SLCO3A1: variants seen among roughly 807,000 people sequenced by gnomAD.
SLCO3A1 encodes the protein solute carrier organic anion transporter family member 3A1, also known as PGE1 transporter.
A neutral mutation model predicts 63.1 loss-of-function variants in SLCO3A1; 27 were observed. The ratio of observed to expected loss-of-function variants is 0.43; its 90% CI spans 0.32 to 0.59. SLCO3A1 has a LOEUF of 0.59. Ranked by LOEUF, SLCO3A1 falls within the 20% of genes least tolerant of loss-of-function variation. SLCO3A1 has a pLI of 0.09. For synonymous variants in SLCO3A1, 473 were observed against 409.9 expected, an observed-to-expected ratio of 1.15 and a Z score of -1.86; for missense variants, 773 against 945.8, an observed-to-expected ratio of 0.82 and a Z score of 2.40.
intron 2 of SLCO3A1, among the ~76,000 whole-genome samples, chr15:92,043,136 T>G (rs1032027543): frequency 6.7e-6 from 1 of 150,364 alleles, no homozygotes; most frequent in Admixed American, 6.7e-5. Context: ...AACTACTAAC[T>G]GTGTTTGCTT....
At chr15:91,972,635 C>A (rs542496880) in intron 2 of SLCO3A1, among the ~76,000 whole-genome samples, 1 of 152,170 alleles carries the variant, frequency 6.6e-6, no homozygotes, top group South Asian at 2.1e-4. Flanking sequence ...ACCAGGGAAA[C>A]GTGCTGACCG....
intron 2 of SLCO3A1, among the ~76,000 whole-genome samples, chr15:92,032,535 G>A (rs2046665457): frequency 6.6e-6 from 1 of 152,120 alleles, no homozygotes; most frequent in African/African-American, 2.4e-5. Context: ...TGGAAGGGAG[G>A]GATTTTGGAT....
At chr15:92,140,620 C>G (rs961695428) in intron 7 of SLCO3A1, among the ~76,000 whole-genome samples, 1 of 152,118 alleles carries the variant, frequency 6.6e-6, no homozygotes, top group Non-Finnish European at 1.5e-5. Context: ...GTCTAATTCT[C>G]TTTGTAGGTC....
intron 8 of SLCO3A1, chr15:92,149,551 G>T: frequency 6.6e-6 from 1 of 152,354 alleles, no homozygotes; most frequent in Non-Finnish European, 1.5e-5. Flanking sequence ...CCCCACGCTG[G>T]GCTCCGAGAG....
chr15:92,096,758 T>C lies in SLCO3A1; in HGVS notation c.745+1779T>C, dbSNP rs2283463. The stretch of plus-strand genomic sequence containing the variant: ...CCATTAATCCTACTGATATATTTAC[T>C]TGTAGCTAATGATGTTACAAATTTC... On this transcript the variant is annotated intron_variant, in intron 3 of 9. Coordinates refer to ENST00000318445, the MANE Select transcript of SLCO3A1 (RefSeq NM_013272.4). 9.7e-3 allele frequency among the ~76,000 whole-genome samples: 1,473 copies of C among 152,314 alleles called. 60 individuals are homozygous for C. The highest frequency in any genetic ancestry group is 0.075 in the East Asian group (390 of 5,180).
At chr15:91,889,160 C>A in intron 1 of SLCO3A1, 1 of 1,286,652 alleles carries the variant, frequency 7.8e-7, no homozygotes, top group Non-Finnish European at 1.0e-6. Context: ...CTTATTGTTC[C>A]TTGACTGATG....
At chr15:91,943,161 A>T (rs1329347053) in intron 2 of SLCO3A1, among the ~76,000 whole-genome samples, 1 of 152,188 alleles carries the variant, frequency 6.6e-6, no homozygotes, top group Non-Finnish European at 1.5e-5. Flanking sequence ...AGTGTTAAGG[A>T]CACTCCCAGT....
chr15:92,000,392 T>C (rs1424025873), intron 2 of SLCO3A1, among the ~76,000 whole-genome samples: 1 of 150,628 alleles, frequency 6.6e-6, no homozygotes, highest in Admixed American at 6.6e-5. Flanking sequence ...AATGTTTTTT[T>C]CCTTTTTTTT....
chr15:92,030,464 C>T (rs918931336), intron 2 of SLCO3A1, among the ~76,000 whole-genome samples: 2 of 152,172 alleles, frequency 1.3e-5, no homozygotes, highest in African/African-American at 2.4e-5. Flanking sequence ...CAGTCAGTAA[C>T]ACAGCCATTA....
chr15:92,013,652 A>C (rs1339065320), intron 2 of SLCO3A1, among the ~76,000 whole-genome samples: 1 of 152,230 alleles, frequency 6.6e-6, no homozygotes, highest in African/African-American at 2.4e-5. Context: ...GTCACTCACA[A>C]TCAAACATTC....
intron 1 of SLCO3A1, among the ~76,000 whole-genome samples, chr15:91,871,597 T>A (rs1018020179): frequency 9.2e-5 from 14 of 152,172 alleles, no homozygotes; most frequent in Non-Finnish European, 2.1e-4. Context: ...GATGTGGTGA[T>A]ATTGATGAAA....
At chr15:92,005,990 G>C (rs144602190) in intron 2 of SLCO3A1, among the ~76,000 whole-genome samples, 2 of 152,122 alleles carry the variant, frequency 1.3e-5, no homozygotes, top group East Asian at 3.9e-4. Flanking sequence ...GGTTAAAAAC[G>C]TCTTGTATGT....
intron 2 of SLCO3A1, among the ~76,000 whole-genome samples, chr15:92,034,929 C>T (rs1281369513): frequency 6.6e-6 from 1 of 151,982 alleles, no homozygotes; most frequent in East Asian, 1.9e-4. Context: ...TCTACGTCTA[C>T]CCCCTCATTT....
At position 91,948,295 on chromosome 15, in the gene SLCO3A1, C is replaced by A. The variant is rs190943285; in HGVS notation, c.646+31837C>A. Among the ~76,000 whole-genome samples the A allele has an allele frequency of 8.5e-5, 13 of 152,300 alleles. No homozygotes were observed. Among genetic ancestry groups the A allele is most frequent in the Admixed American group, 7.8e-4 (12 of 15,304 alleles). The stretch of plus-strand genomic sequence containing the variant: ...CACAGTGGGCTCAAATGTGACCCTG[C>A]GTAGTGCTCCTGGGAGGTGCATTTG... On this transcript the variant is annotated intron_variant, in intron 2 of 9. Coordinates refer to ENST00000318445, the MANE Select transcript of SLCO3A1 (RefSeq NM_013272.4). The surrounding 1 kb of genome is among the most constrained non-coding windows in gnomAD (Gnocchi z 4.8).
chr15:91,861,771 A>AT (rs1676836727), intron 1 of SLCO3A1, among the ~76,000 whole-genome samples: 2 of 151,624 alleles, frequency 1.3e-5, no homozygotes, highest in Admixed American at 6.6e-5. Flanking sequence ...CTACCGGCAC[A>AT]TACCACCAAG....
chr15:92,054,982 G>A (rs2047004574), intron 2 of SLCO3A1, among the ~76,000 whole-genome samples: 1 of 152,118 alleles, frequency 6.6e-6, no homozygotes, highest in Non-Finnish European at 1.5e-5. Flanking sequence ...TGGAATTGCT[G>A]GGTCAAATGG....
chr15:91,924,404 C>G (rs187032062), intron 2 of SLCO3A1, among the ~76,000 whole-genome samples: 67 of 152,284 alleles, frequency 4.4e-4, no homozygotes, highest in African/African-American at 1.3e-3. Flanking sequence ...TAGCATGTCT[C>G]GAACACATGG....
rs544573795 is a variant in SLCO3A1 at position 92,062,671 on chromosome 15, C to T, written c.647-32210C>T. Reference sequence around the variant, plus strand: ...TGTTAGGGGAGTTATTTTGGGGTGGCGAGATCCAGAGCTGTGGTCCAGAGG... The same window carrying T: ...TGTTAGGGGAGTTATTTTGGGGTGGTGAGATCCAGAGCTGTGGTCCAGAGG... On this transcript the variant is annotated intron_variant, in intron 2 of 9. Coordinates refer to ENST00000318445, the MANE Select transcript of SLCO3A1 (RefSeq NM_013272.4). Among the ~76,000 whole-genome samples the T allele has an allele frequency of 2.6e-4, 39 of 152,258 alleles. 2 individuals carry two copies. In the South Asian group the frequency reaches 8.1e-3, roughly 32 times the overall value.
chr15:92,072,951 CT>C (rs1479922213), intron 2 of SLCO3A1, among the ~76,000 whole-genome samples: 2 of 152,092 alleles, frequency 1.3e-5, no homozygotes, highest in Non-Finnish European at 2.9e-5. Flanking sequence ...GTACAAAAAC[CT>C]TACACGGGGC....
Sources: allele counts gnomAD v4.1 joint callset (sites outside exome capture counted in the v4.1 genomes callset), GRCh38; gene constraint gnomAD v4.1.1; non-coding constraint Gnocchi (gnomAD v3.1); transcripts MANE v1.5; gene names NCBI Gene and HGNC (gene_info 2026-07-23, HGNC 2026-07-21).